The following CRPPA variants were observed in gnomAD, a reference collection of about 807,000 sequenced individuals.
CRPPA encodes the protein CDP-L-ribitol pyrophosphorylase A.
In CRPPA, 43 loss-of-function variants were observed where a neutral mutation model predicts 52.0. The observed-to-expected ratio is 0.83, with a 90% CI of 0.65 to 1.07. The LOEUF (loss-of-function observed/expected upper bound fraction) is 1.07, where lower values mean the gene tolerates loss of function less well. CRPPA is among the 50% of genes least tolerant of loss of function. The pLI is 0.00. For synonymous variants in CRPPA, 250 were observed against 203.5 expected, an observed-to-expected ratio of 1.23 and a Z score of -1.94; for missense variants, 629 against 551.7, an observed-to-expected ratio of 1.14 and a Z score of -1.40.
At chr7:16,144,610 C>G (rs1782937238) in intron 9 of CRPPA, among the ~76,000 whole-genome samples, 2 of 152,148 alleles carry the variant, frequency 1.3e-5, no homozygotes, top group African/African-American at 4.8e-5. Context: ...TCAAGTTGTC[C>G]TAAAACCGAC....
chr7:16,245,069 G>A (rs1783232813), intron 8 of CRPPA, among the ~76,000 whole-genome samples: 1 of 151,424 alleles, frequency 6.6e-6, no homozygotes, highest in Non-Finnish European at 1.5e-5. Context: ...AAAGCTTGTG[G>A]TAGGGCCTCT....
chr7:16,352,879 GCACACACACACACACACACACA>G (rs56733439), intron 3 of CRPPA, among the ~76,000 whole-genome samples: 9 of 142,420 alleles, frequency 6.3e-5, no homozygotes, highest in African/African-American at 1.9e-4. Context: ...AAGTAACATG[GCACACACACACACACACACACA>G]CACACACACA....
At chr7:16,095,116 A>G (rs1781911229) in intron 9 of CRPPA, among the ~76,000 whole-genome samples, 1 of 152,208 alleles carries the variant, frequency 6.6e-6, no homozygotes, top group South Asian at 2.1e-4. Context: ...CTGTATATCT[A>G]TAAACTGAAG....
At chr7:16,182,933 T>C (rs1426525320) in intron 9 of CRPPA, among the ~76,000 whole-genome samples, 1 of 152,194 alleles carries the variant, frequency 6.6e-6, no homozygotes, top group African/African-American at 2.4e-5. Context: ...AAGAAAAGTC[T>C]ATCTGTAAAG....
chr7:16,226,925 C>G (rs1439646237), intron 8 of CRPPA, among the ~76,000 whole-genome samples: 1 of 151,796 alleles, frequency 6.6e-6, no homozygotes, highest in African/African-American at 2.4e-5. Context: ...TGACATTTCC[C>G]TAACCCTCTA....
At chr7:16,139,462 T>C (rs182871802) in intron 9 of CRPPA, among the ~76,000 whole-genome samples, 1 of 152,220 alleles carries the variant, frequency 6.6e-6, no homozygotes, top group African/African-American at 2.4e-5. Flanking sequence ...TTACGGGGGG[T>C]AAAGGTAAAT....
chr7:16,340,834 C>T (rs1562641916), intron 3 of CRPPA, among the ~76,000 whole-genome samples: 1 of 152,036 alleles, frequency 6.6e-6, no homozygotes, highest in African/African-American at 2.4e-5. Flanking sequence ...TTTATAATTT[C>T]TAAAGCTTGG....
intron 2 of CRPPA, among the ~76,000 whole-genome samples, chr7:16,379,165 G>C (rs1197395717): frequency 6.6e-6 from 1 of 152,184 alleles, no homozygotes; most frequent in Non-Finnish European, 1.5e-5. Flanking sequence ...TGGTGTTTTA[G>C]ACATGAAGTT....
intron 8 of CRPPA, among the ~76,000 whole-genome samples, chr7:16,226,255 A>C (rs1216555434): frequency 6.6e-6 from 1 of 152,106 alleles, no homozygotes; most frequent in East Asian, 1.9e-4. Context: ...GTCATTAAAA[A>C]TGTGAAAATA....
At chr7:16,200,830 A>C (rs1231970771) in intron 9 of CRPPA, among the ~76,000 whole-genome samples, 1 of 152,218 alleles carries the variant, frequency 6.6e-6, no homozygotes, top group Non-Finnish European at 1.5e-5. Context: ...TGTGGTGAGA[A>C]AACATGCAGA....
intron 9 of CRPPA, among the ~76,000 whole-genome samples, chr7:16,166,338 G>A (rs906434059): frequency 2.0e-5 from 3 of 151,834 alleles, no homozygotes; most frequent in Non-Finnish European, 2.9e-5. Flanking sequence ...AGAGTGCAGT[G>A]GCATGATCTC....
intron 8 of CRPPA, among the ~76,000 whole-genome samples, chr7:16,228,801 G>C (rs1305602391): frequency 6.6e-6 from 1 of 151,946 alleles, no homozygotes; most frequent in African/African-American, 2.4e-5. Context: ...TCCTATGTAT[G>C]TCTGTTATGT....
At chr7:16,182,315 A>T (rs1781428105) in intron 9 of CRPPA, among the ~76,000 whole-genome samples, 1 of 152,010 alleles carries the variant, frequency 6.6e-6, no homozygotes, top group Non-Finnish European at 1.5e-5. Flanking sequence ...AAAAAGATTT[A>T]TTAGGAATTT....
chr7:16,091,439 T>C lies in CRPPA; in HGVS notation c.*256A>G, dbSNP rs892483031. 3.1e-6 allele frequency: 1 copy of C among 326,996 alleles called. No homozygotes were observed. The highest frequency in any genetic ancestry group is 2.2e-5 in the African/African-American group (1 of 44,964). The allele number at this position is 326,996 out of a possible 1,614,324, so 20.3% of individuals were successfully genotyped here. A position where few individuals can be genotyped will look rare whatever the true frequency, so the allele number is the denominator to read the frequency against. ...TTCATGTCTCTGTGGAAAGATTCAT[T>C]TGAAGGCTATTATTTTCCACTTATC... On this transcript the variant is annotated 3_prime_UTR_variant, in exon 10 of 10. Transcript: ENST00000407010.
chr7:16,274,774 A>G (rs377534892), intron 6 of CRPPA, among the ~76,000 whole-genome samples: 2 of 152,320 alleles, frequency 1.3e-5, no homozygotes, highest in East Asian at 3.9e-4. Flanking sequence ...AAATTAAAAG[A>G]GAAATTTAAG....
intron 9 of CRPPA, among the ~76,000 whole-genome samples, chr7:16,151,043 A>G (rs1296834108): frequency 6.6e-6 from 1 of 152,226 alleles, no homozygotes; most frequent in Non-Finnish European, 1.5e-5. Flanking sequence ...CATTCAAACC[A>G]TAGCATGCCT....
intron 3 of CRPPA, among the ~76,000 whole-genome samples, chr7:16,369,234 A>G (rs1786685686): frequency 6.6e-6 from 1 of 152,162 alleles, no homozygotes; most frequent in Non-Finnish European, 1.5e-5. Flanking sequence ...AACACTAAAG[A>G]TTTCACATGA....
rs568265740 is a variant in CRPPA, at chr7:16,327,989, T to G, written c.685-19362A>C. On this transcript the variant is annotated intron_variant, in intron 3 of 9. Coordinates refer to ENST00000407010, the MANE Select transcript of CRPPA (RefSeq NM_001101426.4). ...TAAGAAAAACCCTCCATGATTTTAC[T>G]TTCTCACTTCTCCATGAAATGCAGA... 5.3e-5 allele frequency among the ~76,000 whole-genome samples: 8 copies of G among 152,354 alleles called. No individual in the cohort carries two copies. In the East Asian group the frequency reaches 1.5e-3, roughly 29 times the overall value.
At chr7:16,406,490 G>A (rs1402565716) in intron 1 of CRPPA, among the ~76,000 whole-genome samples, 153 bp from the exon 2 acceptor site, 2 of 152,160 alleles carry the variant, frequency 1.3e-5, no homozygotes, top group African/African-American at 4.8e-5. Context: ...GTTAGGTCCA[G>A]TAAAGAGGCT....
Sources: allele counts gnomAD v4.1 joint callset (sites outside exome capture counted in the v4.1 genomes callset), GRCh38; gene constraint gnomAD v4.1.1; transcripts MANE v1.5; gene names NCBI Gene and HGNC (gene_info 2026-07-23, HGNC 2026-07-21).